ST18: variants seen among roughly 807,000 people sequenced by gnomAD.
ST18 encodes the protein ST18 C2H2C-type zinc finger transcription factor, also known as suppression of tumorigenicity 18 protein.
Under a neutral mutation model 110.0 loss-of-function variants are expected in ST18, and 50 were observed. The observed-to-expected ratio is 0.45, with a 90% confidence interval of 0.36 to 0.58. The LOEUF is 0.58. Ranked by LOEUF, ST18 falls within the 20% of genes least tolerant of loss-of-function variation. ST18 has a pLI of 0.00. For synonymous variants in ST18, 461 were observed against 452.4 expected (o/e 1.02, Z -0.24); for missense variants, 1,306 against 1,280.1 (o/e 1.02, Z -0.31).
In ST18 at chr8:52,329,627, T is replaced by A. The variant is rs920096139; in HGVS notation, c.-465+79701A>T. On this transcript the variant is annotated intron_variant, in intron 2 of 25. Coordinates refer to ENST00000689386, the MANE Select transcript of ST18 (RefSeq NM_001352837.2). ...AAAATTATCCAGGCATTGTGGTGGG[T>A]GCCTGTAATCCTAGCTACTCAGGAG... 9.2e-5 allele frequency among the ~76,000 whole-genome samples: 14 copies of A among 152,170 alleles called. 3 individuals carry two copies. Among genetic ancestry groups the A allele is most frequent in the East Asian group, 5.8e-4 (3 of 5,160 alleles).
rs1347545313 is a variant in ST18 at position 52,112,583 on chromosome 8, A to G, written c.*615T>C. ...TGCGGATTCCCCACTAGTGGGCGCC[A>G]TTTGTCTTCTTATTCCTTCCGTGCA... On this transcript the variant is annotated 3_prime_UTR_variant, in exon 26 of 26. Coordinates refer to ENST00000689386, the MANE Select transcript of ST18 (RefSeq NM_001352837.2). The G allele has an allele frequency of 1.3e-5, 2 of 152,570 alleles. No homozygotes were observed. Among genetic ancestry groups the G allele is most frequent in the Non-Finnish European group, 2.9e-5 (2 of 68,038 alleles). The allele number at this position is 152,570 out of a possible 1,614,324, so 9.5% of individuals were successfully genotyped here. A position where few individuals can be genotyped will look rare whatever the true frequency, so the allele number is the denominator to read the frequency against.
chr8:52,121,332 G>T (rs58224650), intron 23 of ST18, among the ~76,000 whole-genome samples: 10,044 of 152,254 alleles, frequency 0.066, 1,083 homozygotes, highest in African/African-American at 0.23. Context: ...TACATGCTCA[G>T]AGAATTAATC....
At chr8:52,376,665 G>C (rs976030792) in intron 2 of ST18, among the ~76,000 whole-genome samples, 1 of 151,810 alleles carries the variant, frequency 6.6e-6, no homozygotes, top group Non-Finnish European at 1.5e-5. Context: ...AAGCGTCTTT[G>C]TCTCCTTCAC....
At chr8:52,127,160 G>A (rs7821217) in intron 22 of ST18, among the ~76,000 whole-genome samples, 44,328 of 152,012 alleles carry the variant, frequency 0.29, 9,175 homozygotes, top group African/African-American at 0.59. Flanking sequence ...CTGAAGAAAA[G>A]CCCTTAATAA....
chr8:52,360,764 A>G (rs1329898720), intron 2 of ST18, among the ~76,000 whole-genome samples: 1 of 152,194 alleles, frequency 6.6e-6, no homozygotes, highest in Admixed American at 6.5e-5. Flanking sequence ...AGCTGAGAAC[A>G]ATGTAATTGT....
chr8:52,389,545 C>T (rs1055879603), intron 2 of ST18, among the ~76,000 whole-genome samples: 2 of 152,156 alleles, frequency 1.3e-5, no homozygotes, highest in Admixed American at 6.5e-5. Context: ...CTAGGTACAC[C>T]GACTCCTTCC....
Position 52,149,866 on chromosome 8 carries a change from G to T in ST18, c.1918C>A (p.Pro640Thr), listed in dbSNP as rs2058350501. The change falls in exon 16 of 26, where the codon CCT becomes ACT. Residue 640 changes from proline to threonine, a missense_variant. Transcript: ENST00000689386. ...CTTGTTTTGAATGGGGAAGAGGAAG[G>T]AGTTGGAATAGAAGTGTTAGAGGAA... The part of the protein sequence containing the change: ...LTSSNTSIPT[P>T]SSSPFKTSSI... 6.2e-7 allele frequency: 1 copy of T among 1,614,194 alleles called. No homozygotes were observed. The highest frequency in any genetic ancestry group is 1.3e-5 in the African/African-American group (1 of 75,046).
intron 22 of ST18, among the ~76,000 whole-genome samples, chr8:52,126,820 C>T (rs1275494329): frequency 1.3e-5 from 2 of 152,198 alleles, no homozygotes; most frequent in Non-Finnish European, 2.9e-5. Context: ...GTTTATAACC[C>T]TTCCATTTAG....
At chr8:52,133,713 T>G in intron 19 of ST18, among the ~76,000 whole-genome samples, 1 of 134,194 alleles carries the variant, frequency 7.5e-6, no homozygotes, top group Admixed American at 7.1e-5. Flanking sequence ...TTTTCCAAAT[T>G]ATTATTATTA....
At chr8:52,166,111 G>A (rs1177835066) in intron 11 of ST18, among the ~76,000 whole-genome samples, 1 of 152,182 alleles carries the variant, frequency 6.6e-6, no homozygotes, top group African/African-American at 2.4e-5. Context: ...GATGCGTCAA[G>A]GCTGACTGGT....
chr8:52,228,638 T>C (rs2090328999), intron 3 of ST18, among the ~76,000 whole-genome samples: 2 of 152,188 alleles, frequency 1.3e-5, no homozygotes, highest in Non-Finnish European at 1.5e-5. Flanking sequence ...TGAGAATTTG[T>C]ATGTACTATC....
At chr8:52,121,842 AATT>A (rs1169596301) in intron 23 of ST18, among the ~76,000 whole-genome samples, 3 of 151,920 alleles carry the variant, frequency 2.0e-5, no homozygotes, top group Middle Eastern at 3.4e-3. Flanking sequence ...CTATCCACTA[AATT>A]ATTATTATTA....
At chr8:52,157,436 TAAG>T (rs1359861480) in intron 15 of ST18, among the ~76,000 whole-genome samples, 1 of 152,066 alleles carries the variant, frequency 6.6e-6, no homozygotes, top group Non-Finnish European at 1.5e-5. Context: ...GATAAGGCAC[TAAG>T]AAGGAAGCGA....
At chr8:52,151,873 T>C (rs1248907828) in intron 15 of ST18, among the ~76,000 whole-genome samples, 2 of 152,186 alleles carry the variant, frequency 1.3e-5, no homozygotes, top group Non-Finnish European at 2.9e-5. Flanking sequence ...AAAGAAGCCA[T>C]GTGACTGGGC....
chr8:52,115,162 G>C (rs2042099028), intron 25 of ST18, among the ~76,000 whole-genome samples: 1 of 151,992 alleles, frequency 6.6e-6, no homozygotes. Flanking sequence ...TAGGAACTTG[G>C]GTAAAATGGA....
chr8:52,144,837 T>C (rs1438662827), intron 16 of ST18, among the ~76,000 whole-genome samples: 1 of 152,058 alleles, frequency 6.6e-6, no homozygotes, highest in Non-Finnish European at 1.5e-5. Context: ...CCTTTCAAAG[T>C]TTTATGCTGT....
At chr8:52,191,939 T>A (rs1483890279) in intron 8 of ST18, among the ~76,000 whole-genome samples, 1 of 151,748 alleles carries the variant, frequency 6.6e-6, no homozygotes, top group Admixed American at 6.6e-5. Context: ...AATGGGAAGG[T>A]CTTAATTTTG....
chr8:52,253,644 G>A (rs1392477796), intron 2 of ST18, among the ~76,000 whole-genome samples: 1 of 151,858 alleles, frequency 6.6e-6, no homozygotes, highest in Non-Finnish European at 1.5e-5. Context: ...TTTTAATATT[G>A]GTTATTCATA....
intron 6 of ST18, among the ~76,000 whole-genome samples, chr8:52,215,704 G>T (rs969765915): frequency 6.6e-6 from 1 of 151,502 alleles, no homozygotes; most frequent in South Asian, 2.1e-4. Flanking sequence ...CAATAAAACC[G>T]GGGTGATTTT....
Sources: gnomAD v4.1 joint callset for allele counts (sites outside exome capture counted in the v4.1 genomes callset) on GRCh38, gnomAD v4.1.1 for gene constraint, MANE v1.5 for transcripts, NCBI Gene and HGNC (gene_info 2026-07-23, HGNC 2026-07-21) for gene names.